FLI1: variants seen among roughly 807,000 people sequenced by gnomAD.
FLI1 encodes the protein Friend leukemia integration 1 transcription factor.
Under a neutral mutation model 53.1 loss-of-function variants are expected in FLI1, and 13 were observed. The ratio of observed to expected loss-of-function variants is 0.24; its 90% CI spans 0.16 to 0.39. FLI1 has a LOEUF of 0.39. Ranked by LOEUF, FLI1 falls within the 10% of genes least tolerant of loss-of-function variation. FLI1 has a pLI of 1.00. For missense variants in FLI1, 424 were observed against 600.5 expected, an observed-to-expected ratio of 0.71 and a Z score of 3.07; for synonymous variants, 244 against 236.7, an observed-to-expected ratio of 1.03 and a Z score of -0.28.
chr11:128,758,436 G>C, intron 2 of FLI1, 110 bp downstream of exon 2: 1 of 846,648 alleles, frequency 1.2e-6, no homozygotes, highest in East Asian at 2.7e-5. Context: ...CTCTAGAGCT[G>C]GGCCAGGAAG....
At chr11:128,796,311 G>A (rs1228589274) in intron 5 of FLI1, among the ~76,000 whole-genome samples, 5 of 152,118 alleles carry the variant, frequency 3.3e-5, no homozygotes, top group Admixed American at 1.3e-4. Context: ...AGAAGTCTTC[G>A]GCCTTTTGGG....
chr11:128,750,675 G>A (rs56760925), intron 1 of FLI1, among the ~76,000 whole-genome samples: 1,578 of 152,154 alleles, frequency 0.01, 23 homozygotes, highest in African/African-American at 0.03. Context: ...CGTTCATATC[G>A]GCCAGGCCAC....
chr11:128,776,825 C>G (rs917636432), intron 4 of FLI1, among the ~76,000 whole-genome samples: 1 of 152,158 alleles, frequency 6.6e-6, no homozygotes, highest in Non-Finnish European at 1.5e-5. Flanking sequence ...CTCGCGTTGC[C>G]GACGTTCCCC....
At chr11:128,714,010 T>C (rs1342460408) in intron 1 of FLI1, among the ~76,000 whole-genome samples, 1 of 152,104 alleles carries the variant, frequency 6.6e-6, no homozygotes, top group African/African-American at 2.4e-5. Flanking sequence ...GAGAGGACAA[T>C]TACCTTAGAA....
chr11:128,775,282 A>G (rs1002092720), intron 4 of FLI1, among the ~76,000 whole-genome samples: 3 of 152,154 alleles, frequency 2.0e-5, no homozygotes, highest in African/African-American at 7.2e-5. Context: ...GGAAAAGCTC[A>G]TTATAAAGTG....
chr11:128,755,729 T>A (rs916463744), intron 1 of FLI1, among the ~76,000 whole-genome samples: 5 of 152,162 alleles, frequency 3.3e-5, no homozygotes, highest in Admixed American at 1.3e-4. Context: ...TGAAGAAGGA[T>A]CCCAGCAGAT....
chr11:128,775,302 C>G (rs1941697443), intron 4 of FLI1, among the ~76,000 whole-genome samples: 1 of 151,286 alleles, frequency 6.6e-6, no homozygotes, highest in South Asian at 2.1e-4. Context: ...GGTCTGTGCA[C>G]TGATAGAAAA....
chr11:128,725,684 G>A (rs1455934168), intron 1 of FLI1, among the ~76,000 whole-genome samples: 1 of 152,018 alleles, frequency 6.6e-6, no homozygotes, highest in Non-Finnish European at 1.5e-5. Flanking sequence ...GTTTGTGTGT[G>A]TGTGTGTGTG....
intron 4 of FLI1, among the ~76,000 whole-genome samples, chr11:128,777,977 G>T (rs1413105902): frequency 6.6e-6 from 1 of 152,196 alleles, no homozygotes; most frequent in Non-Finnish European, 1.5e-5. Flanking sequence ...TTCAGATCCA[G>T]GTACTGTCTC....
In FLI1 at chr11:128,724,537, T is replaced by C. The variant is rs966485346; in HGVS notation, c.18+30261T>C. Among the ~76,000 whole-genome samples the C allele has an allele frequency of 7.2e-5, 11 of 152,318 alleles. No individual in the cohort carries two copies. The East Asian group carries it at 1.3e-3, about 19-fold the overall frequency. On this transcript the variant is annotated intron_variant, in intron 1 of 8. Coordinates refer to ENST00000527786, the MANE Select transcript of FLI1 (RefSeq NM_002017.5). ...TTCAATTGAGTTAAATAAGCACTTA[T>C]AGAGTGTCTACCACATGCAGAACAC...
At chr11:128,740,920 G>A (rs989074681) in intron 1 of FLI1, among the ~76,000 whole-genome samples, 1 of 152,204 alleles carries the variant, frequency 6.6e-6, no homozygotes, top group Non-Finnish European at 1.5e-5. Flanking sequence ...AGGAAGGAGA[G>A]AAGGTGCAGC....
intron 5 of FLI1, among the ~76,000 whole-genome samples, chr11:128,803,147 T>A (rs1942680452): frequency 6.6e-6 from 1 of 152,228 alleles, no homozygotes; most frequent in South Asian, 2.1e-4. Context: ...TTAGTGATTT[T>A]TTGTTTGAAT....
At chr11:128,686,335 G>C (rs187359205), upstream of FLI1, 16 of 456,308 alleles carry the variant, frequency 3.5e-5, no homozygotes, top group East Asian at 7.0e-5. Context: ...GGCCCTGGGG[G>C]AGGCGGCAGT....
chr11:128,709,782 A>G (rs1158645296), intron 1 of FLI1, among the ~76,000 whole-genome samples: 1 of 152,084 alleles, frequency 6.6e-6, no homozygotes, highest in Non-Finnish European at 1.5e-5. Context: ...CCATACATCT[A>G]CGCCACCTCT....
In FLI1 at chr11:128,763,829, C is replaced by T. The variant is rs77102296; in HGVS notation, c.231-4289C>T. Among the ~76,000 whole-genome samples, 129 of 152,284 alleles carry T rather than the reference C, an allele frequency of 8.5e-4. 1 individual carries two copies. The East Asian group carries it at 0.018, about 22-fold the overall frequency. ...GATGAAAACAGCTAGTGGATTAGGG[C>T]GGTGGCTTTATCATAAGTGATGCTT... On this transcript the variant is annotated intron_variant, in intron 2 of 8. Transcript: ENST00000527786.
intron 1 of FLI1, among the ~76,000 whole-genome samples, chr11:128,737,863 C>T (rs76306652): frequency 0.035 from 5,338 of 152,216 alleles, 345 homozygotes; most frequent in African/African-American, 0.12. Context: ...CAAGGGCTTG[C>T]TTGGCTGTCA....
intron 2 of FLI1, among the ~76,000 whole-genome samples, chr11:128,763,254 G>A (rs1296023092): frequency 6.6e-6 from 1 of 152,228 alleles, no homozygotes; most frequent in Non-Finnish European, 1.5e-5. Context: ...ACTGAGGTCT[G>A]AGGATCTCAG....
intron 1 of FLI1, 24 bp downstream of exon 1, chr11:128,694,300 G>T: frequency 7.4e-7 from 1 of 1,348,282 alleles, no homozygotes; most frequent in East Asian, 2.9e-5. Flanking sequence ...CAACGGACGC[G>T]GGCGGCGGGG....
intron 1 of FLI1, among the ~76,000 whole-genome samples, chr11:128,742,906 A>C (rs767348815): frequency 1.3e-5 from 2 of 152,230 alleles, no homozygotes; most frequent in Non-Finnish European, 2.9e-5. Context: ...GTTCATGATT[A>C]AAAGAAGCAA....
Sources: gnomAD v4.1 joint callset for allele counts (sites outside exome capture counted in the v4.1 genomes callset) on GRCh38, gnomAD v4.1.1 for gene constraint, MANE v1.5 for transcripts, NCBI Gene and HGNC (gene_info 2026-07-23, HGNC 2026-07-21) for gene names.